Variants in CACNG2 observed in about 807,000 individuals in gnomAD.
CACNG2 encodes the protein calcium voltage-gated channel auxiliary subunit gamma 2.
In CACNG2, 3 loss-of-function variants were observed where a neutral mutation model predicts 25.9. The observed-to-expected ratio is 0.12, with a 90% CI of 0.05 to 0.30. CACNG2 has a LOEUF of 0.30. CACNG2 is among the 10% of genes least tolerant of loss of function. CACNG2 has a pLI of 1.00. For synonymous variants in CACNG2, 167 were observed against 173.3 expected, an observed-to-expected ratio of 0.96 and a Z score of 0.29; for missense variants, 341 against 432.5, an observed-to-expected ratio of 0.79 and a Z score of 1.88.
At chr22:36,592,817 T>C (rs972434883) in intron 1 of CACNG2, among the ~76,000 whole-genome samples, 1 of 152,162 alleles carries the variant, frequency 6.6e-6, no homozygotes, top group African/African-American at 2.4e-5. Flanking sequence ...TAAGTTGTCC[T>C]CTACGGTTCG....
chr22:36,701,362 T>A (rs1937409468), intron 1 of CACNG2, among the ~76,000 whole-genome samples: 1 of 152,182 alleles, frequency 6.6e-6, no homozygotes, highest in South Asian at 2.1e-4. Flanking sequence ...GGAGTTTTTT[T>A]TTCTGTGCTT....
At chr22:36,676,838 G>T (rs567382651) in intron 1 of CACNG2, among the ~76,000 whole-genome samples, 14 of 152,190 alleles carry the variant, frequency 9.2e-5, no homozygotes, top group Admixed American at 2.6e-4. Context: ...ACATCTGCTG[G>T]ATCAGCCTCA....
rs1395081059 is a variant in CACNG2, at chr22:36,562,949, G to GC, written c.*1401_*1402insG. The stretch of plus-strand genomic sequence containing the variant: ...AAATGGATTTGTATATTCGTTTTCT[G>GC]TTTTTTTTTTCTTTACAAGTTCCCT... On this transcript the variant is annotated 3_prime_UTR_variant, in exon 4 of 4. Transcript: ENST00000300105. 6.8e-6 allele frequency: 1 copy of GC among 148,022 alleles called. No individual in the cohort carries two copies. Among genetic ancestry groups the GC allele is most frequent in the Non-Finnish European group, 1.5e-5 (1 of 66,816 alleles). The allele number at this position is 148,022 out of a possible 1,614,324, so 9.2% of individuals were successfully genotyped here.
intron 3 of CACNG2, among the ~76,000 whole-genome samples, chr22:36,565,151 G>A (rs2145904131): frequency 6.6e-6 from 1 of 152,354 alleles, no homozygotes; most frequent in South Asian, 2.1e-4. Context: ...ATTTCACAAG[G>A]CGCTGAGTAA....
chr22:36,681,781 C>T (rs1350277810), intron 1 of CACNG2, among the ~76,000 whole-genome samples: 1 of 152,160 alleles, frequency 6.6e-6, no homozygotes, highest in African/African-American at 2.4e-5. Flanking sequence ...TCTGTACCAC[C>T]ACCCTGCCAT....
chr22:36,703,518 G>A lies in CACNG2; in HGVS notation c.-942C>T, dbSNP rs1937442022. The stretch of plus-strand genomic sequence containing the variant: ...GCCCGCGGAGGCGCTCCCACCTACT[G>A]CATTACGGGTGGTGCTGAACCGGAC... On this transcript the variant is annotated 5_prime_UTR_variant, in exon 1 of 4. An upstream open reading frame in the 5' UTR gains an earlier in-frame stop. Transcript: ENST00000300105. 6.6e-6 allele frequency: 1 copy of A among 152,142 alleles called. No individual in the cohort carries two copies. The highest frequency in any genetic ancestry group is 6.5e-5 in the Admixed American group (1 of 15,270). 9.4% of individuals were successfully genotyped at this position (152,142 alleles called of 1,614,324 possible).
chr22:36,648,016 T>C (rs1039288506), intron 1 of CACNG2, among the ~76,000 whole-genome samples: 4 of 152,228 alleles, frequency 2.6e-5, no homozygotes, highest in African/African-American at 9.6e-5. Flanking sequence ...GTTGAATGAA[T>C]AAATGATTCT....
chr22:36,582,410 C>CTTT (rs1215880009), intron 2 of CACNG2, among the ~76,000 whole-genome samples: 82 of 146,034 alleles, frequency 5.6e-4, no homozygotes, highest in African/African-American at 2.0e-3. Context: ...TTCTTTCTTT[C>CTTT]TTTTTTTTTT....
intron 1 of CACNG2, among the ~76,000 whole-genome samples, chr22:36,646,183 C>A (rs1381074553): frequency 6.6e-6 from 1 of 152,094 alleles, no homozygotes; most frequent in Admixed American, 6.5e-5. Flanking sequence ...ATATGTATTT[C>A]TTTTTTCCCA....
At position 36,587,483 on chromosome 22, in the gene CACNG2, T is replaced by C; in HGVS notation, c.277A>G (p.Thr93Ala). 4 of 1,612,902 alleles carry C rather than the reference T, an allele frequency of 2.5e-6. No individual in the cohort carries two copies. The highest frequency in any genetic ancestry group is 3.4e-6 in the Non-Finnish European group (4 of 1,178,818). The change falls in exon 2 of 4, where the codon ACA becomes GCA. Residue 93 changes from threonine (T) to alanine (A), a missense_variant. Thr to Ala is a moderately conservative substitution (Grantham distance 58). Around this residue, in one of 2 missense-constraint regions of CACNG2, gnomAD observed 169 missense variants for 254.4 expected, o/e 0.66. Coordinates refer to ENST00000300105, the MANE Select transcript of CACNG2 (RefSeq NM_006078.5). ...FPEDADYEAD[T>A]AEYFLRAVRA... ...CACTCACGGAGGAAATATTCTGCTG[T>C]GTCAGCTTCGTAATCTGCATCCTCT... is the stretch of plus-strand genomic sequence containing the variant.
chr22:36,643,466 A>ATCTGTCTGTCTGTCTG (rs60854802), intron 1 of CACNG2, among the ~76,000 whole-genome samples: 1 of 144,478 alleles, frequency 6.9e-6, no homozygotes, highest in Non-Finnish European at 1.5e-5. Flanking sequence ...ATCTACATCT[A>ATCTGTCTGTCTGTCTG]TCTGTCTGTC....
chr22:36,583,567 T>A (rs569404716), intron 2 of CACNG2, among the ~76,000 whole-genome samples: 1 of 152,326 alleles, frequency 6.6e-6, no homozygotes, highest in Non-Finnish European at 1.5e-5. Context: ...GTTGCTTGAC[T>A]GCTCCTTCCC....
At chr22:36,586,869 T>C (rs976738651) in intron 2 of CACNG2, among the ~76,000 whole-genome samples, 10 of 152,188 alleles carry the variant, frequency 6.6e-5, no homozygotes, top group African/African-American at 2.2e-4. Context: ...CTCTTGATAA[T>C]ATGTCTCAGG....
chr22:36,685,531 C>T (rs1374481441), intron 1 of CACNG2, among the ~76,000 whole-genome samples: 1 of 152,340 alleles, frequency 6.6e-6, no homozygotes, highest in East Asian at 1.9e-4. Context: ...CCACACCACA[C>T]GTTCTGCCTC....
At chr22:36,571,761 C>T (rs537843107) in intron 2 of CACNG2, among the ~76,000 whole-genome samples, 1 of 151,470 alleles carries the variant, frequency 6.6e-6, no homozygotes, top group Admixed American at 6.6e-5. Flanking sequence ...CCCATAGCCC[C>T]AGCTACTTGG....
chr22:36,682,120 C>T (rs549340430), intron 1 of CACNG2, among the ~76,000 whole-genome samples: 2 of 152,314 alleles, frequency 1.3e-5, no homozygotes, highest in South Asian at 2.1e-4. Context: ...AGGAATGCTA[C>T]GAGACAGCTC....
At chr22:36,651,064 T>C (rs539470116) in intron 1 of CACNG2, among the ~76,000 whole-genome samples, 20 of 152,308 alleles carry the variant, frequency 1.3e-4, no homozygotes, top group Non-Finnish European at 2.6e-4. Flanking sequence ...TTTCCTGATG[T>C]CTTTTTCTCC....
intron 3 of CACNG2, among the ~76,000 whole-genome samples, chr22:36,565,543 A>G (rs1935111020): frequency 1.3e-5 from 2 of 151,116 alleles, no homozygotes; most frequent in Admixed American, 1.3e-4. Context: ...CAGTGGTGTG[A>G]TCACAGCTCA....
chr22:36,609,658 C>CG (rs1555895577), intron 1 of CACNG2, among the ~76,000 whole-genome samples: 1 of 27,752 alleles, frequency 3.6e-5, no homozygotes, highest in Non-Finnish European at 1.2e-4. Flanking sequence ...CAGGAATCAG[C>CG]CCCCCAGAGC....
Sources: allele counts gnomAD v4.1 joint callset (sites outside exome capture counted in the v4.1 genomes callset), GRCh38; gene constraint gnomAD v4.1.1; regional missense constraint gnomAD v4.1.1; transcripts MANE v1.5; gene names NCBI Gene and HGNC (gene_info 2026-07-23, HGNC 2026-07-21).